The following CHCHD5 variants were observed in gnomAD, a reference collection of about 807,000 sequenced individuals.
The protein encoded by CHCHD5 is coiled-coil-helix-coiled-coil-helix domain-containing protein 5.
A neutral mutation model predicts 16.0 loss-of-function variants in CHCHD5; 10 were observed. The ratio of observed to expected loss-of-function variants is 0.63; its 90% CI spans 0.39 to 1.06. CHCHD5 has a LOEUF of 1.06. Among genes scored for constraint, CHCHD5 ranks in the 50% least tolerant of loss-of-function variants. The pLI is 0.01. For synonymous variants in CHCHD5, 55 were observed against 56.3 expected (o/e 0.98, Z 0.10); for missense variants, 163 against 153.4 (o/e 1.06, Z -0.33).
chr2:112,585,841 T>G (rs979417912), intron 1 of CHCHD5, 133 bp from the exon 2 acceptor site: 7 of 985,246 alleles, frequency 7.1e-6, no homozygotes, highest in Admixed American at 2.8e-5. Flanking sequence ...GTGGCTACAG[T>G]GAGCTATGAT....
At chr2:112,587,945 AC>A in intron 3 of CHCHD5, 1 of 152,288 alleles carries the variant, frequency 6.6e-6, no homozygotes, top group Non-Finnish European at 1.5e-5. Context: ...CCTTGTGGCC[AC>A]CCCTGCCCTG....
chr2:112,584,958 T>C lies in CHCHD5; in HGVS notation c.2+309T>C, dbSNP rs1685163429. Reference sequence around the variant, plus strand: ...CTGAAATCCTAAGACTACAGACTTATTTAGGGACCTCTATGACTCCTACAC... The same window carrying C: ...CTGAAATCCTAAGACTACAGACTTACTTAGGGACCTCTATGACTCCTACAC... On this transcript the variant is annotated intron_variant, in intron 1 of 3. Coordinates refer to ENST00000324913, the MANE Select transcript of CHCHD5 (RefSeq NM_032309.4). 4 of 500,944 alleles carry C rather than the reference T, an allele frequency of 8.0e-6. No individual in the cohort carries two copies. In the South Asian group the frequency reaches 8.2e-5, roughly 10 times the overall value. The allele number at this position is 500,944 out of a possible 1,614,324, so 31.0% of individuals were successfully genotyped here.
At chr2:112,588,581 G>C in intron 3 of CHCHD5, 1 of 445,182 alleles carries the variant, frequency 2.2e-6, no homozygotes, top group Non-Finnish European at 4.0e-6. Flanking sequence ...TTTCTTGGAT[G>C]TTGACATATT....
intron 3 of CHCHD5, 70 bp from the exon 4 acceptor site, chr2:112,588,796 G>C (rs1025931603): frequency 1.7e-6 from 2 of 1,210,046 alleles, no homozygotes; most frequent in Non-Finnish European, 2.5e-6. Flanking sequence ...TCCCTCTGTG[G>C]TGTCTACATA....
chr2:112,585,202 C>A (rs534221597), intron 1 of CHCHD5, among the ~76,000 whole-genome samples: 1 of 152,280 alleles, frequency 6.6e-6, no homozygotes, highest in African/African-American at 2.4e-5. Context: ...CCTTAGGTTT[C>A]ATCTTGAAGA....
chr2:112,588,862 A>T lies in CHCHD5; in HGVS notation c.310-4A>T, dbSNP rs369665974. 4.3e-6 allele frequency: 7 copies of T among 1,611,224 alleles called. No homozygotes were observed. The highest frequency in any genetic ancestry group is 5.9e-6 in the Non-Finnish European group (7 of 1,177,908). On this transcript the variant is annotated splice_region_variant and splice_polypyrimidine_tract_variant and intron_variant, in intron 3 of 3. Transcript: ENST00000324913. ...TACTAGATGTTGATGTACTTTCTCC[A>T]CAGGCACAGCCACTTCCTGCCTCCT...
chr2:112,586,454 C>T, intron 3 of CHCHD5, 89 bp downstream of exon 3: 1 of 1,586,308 alleles, frequency 6.3e-7, no homozygotes, highest in Non-Finnish European at 8.6e-7. Flanking sequence ...TTGGAGTCAT[C>T]CTCAGCCCCA....
chr2:112,588,766 A>C (rs1685297462), intron 3 of CHCHD5, 100 bp from the exon 4 acceptor site: 2 of 917,956 alleles, frequency 2.2e-6, no homozygotes, highest in Middle Eastern at 4.4e-4. Context: ...CTCCCTCCAG[A>C]CTGTGGGCTC....
At chr2:112,588,102 C>G (rs1012312149) in intron 3 of CHCHD5, 2 of 152,208 alleles carry the variant, frequency 1.3e-5, no homozygotes, top group Admixed American at 6.5e-5. Context: ...CCAGCCTGGC[C>G]AACATGGTGA....
rs79064914 is a variant in CHCHD5 at position 112,586,309 on chromosome 2, C to A, written c.253C>A (p.Arg85Ser). ...GGGCAACTGTGCAGAGCATATGCGC[C>A]GCTTCCTGCAGTGCGCTGAGCAGGT... ...AVGNCAEHMR[R>S]FLQCAEQVQP... The change falls in exon 3 of 4, where the codon CGC becomes AGC. Residue 85 changes from arginine to serine, a missense_variant. Coordinates refer to ENST00000324913, the MANE Select transcript of CHCHD5 (RefSeq NM_032309.4). 6.2e-7 allele frequency: 1 copy of A among 1,614,266 alleles called. No homozygotes were observed. Among genetic ancestry groups the A allele is most frequent in the African/African-American group, 1.3e-5 (1 of 75,064 alleles).
chr2:112,584,523 A>G (rs977742666), upstream of CHCHD5: 59 of 1,203,106 alleles, frequency 4.9e-5, no homozygotes, highest in Non-Finnish European at 7.0e-5. Flanking sequence ...CCTAAAGGGA[A>G]CGGGGTTGTT....
chr2:112,584,690 C>T, intron 1 of CHCHD5, 41 bp downstream of exon 1: 1 of 1,613,054 alleles, frequency 6.2e-7, no homozygotes, highest in South Asian at 1.1e-5. Flanking sequence ...GCTGCCGCTC[C>T]CCTTCTTTTA....
upstream of CHCHD5, chr2:112,584,475 C>T: frequency 1.4e-6 from 1 of 731,950 alleles, no homozygotes. Context: ...ACGAGCCGGG[C>T]CGGAAGAAGA....
intron 3 of CHCHD5, 116 bp downstream of exon 3, chr2:112,586,481 G>A (rs765854820): frequency 1.3e-6 from 2 of 1,561,688 alleles, no homozygotes; most frequent in South Asian, 2.3e-5. Context: ...CACCACACAG[G>A]CCTTTGCCAT....
Position 112,584,650 on chromosome 2 carries a change from G to A in CHCHD5, c.2+1G>A. ...CCTACGCCGGCAAAGGTCTCGAGAT[G>A]TGAGTAGTGAGAGCGCCTACCCCAT... On this transcript the variant is annotated splice_donor_variant, in intron 1 of 3. Transcript: ENST00000324913. LOFTEE classifies it high-confidence loss of function. The A allele has an allele frequency of 1.2e-6, 2 of 1,613,892 alleles. No individual in the cohort carries two copies. The highest frequency in any genetic ancestry group is 1.7e-6 in the Non-Finnish European group (2 of 1,179,946).
Position 112,588,921 on chromosome 2 carries a change from G to C in CHCHD5, c.*32G>C. 4 of 1,584,042 alleles carry C rather than the reference G, an allele frequency of 2.5e-6. No individual in the cohort carries two copies. Among genetic ancestry groups the C allele is most frequent in the Non-Finnish European group, 2.6e-6 (3 of 1,152,894 alleles). On this transcript the variant is annotated 3_prime_UTR_variant, in exon 4 of 4. Coordinates refer to ENST00000324913, the MANE Select transcript of CHCHD5 (RefSeq NM_032309.4). ...CTCTGACGGCAGGAAAACTGGACAT[G>C]AATGACTGCCCCCACGCCCCTCCCC...
chr2:112,586,973 G>A (rs1286629021), intron 3 of CHCHD5: 7 of 169,030 alleles, frequency 4.1e-5, no homozygotes, highest in Non-Finnish European at 3.8e-5. Flanking sequence ...ACTCCTTGAG[G>A]AGAGGCAGTA....
In CHCHD5 at chr2:112,584,756, T is replaced by G; in HGVS notation, c.2+107T>G. Reference sequence around the variant, plus strand: ...GGGAACTAGGACCAGCCTCCCTCCTTCTTGGAGATCTGACCCTCAGGATTC... The same window carrying G: ...GGGAACTAGGACCAGCCTCCCTCCTGCTTGGAGATCTGACCCTCAGGATTC... On this transcript the variant is annotated intron_variant, in intron 1 of 3. Coordinates refer to ENST00000324913, the MANE Select transcript of CHCHD5 (RefSeq NM_032309.4). 1.5e-5 allele frequency: 20 copies of G among 1,327,194 alleles called. 1 individual carries two copies. The South Asian group carries it at 2.2e-4, about 15-fold the overall frequency. 82.2% of individuals were successfully genotyped at this position (1,327,194 alleles called of 1,614,324 possible). A position where few individuals can be genotyped will look rare whatever the true frequency, so the allele number is the denominator to read the frequency against.
At position 112,586,033 on chromosome 2, in the gene CHCHD5, A is replaced by C. The variant is rs199612227; in HGVS notation, c.62A>C (p.Gln21Pro). The C allele has an allele frequency of 2.5e-6, 4 of 1,614,054 alleles. No individual in the cohort carries two copies. The highest frequency in any genetic ancestry group is 3.4e-6 in the Non-Finnish European group (4 of 1,180,026). The change falls in exon 2 of 4, where the codon CAG becomes CCG. Residue 21 changes from glutamine (Q) to proline (P), a missense_variant. By Grantham distance (76) the Gln-to-Pro change is moderately conservative (BLOSUM62 -1). Coordinates refer to ENST00000324913, the MANE Select transcript of CHCHD5 (RefSeq NM_032309.4). Reference protein sequence around the residue: ...YCGRELEQYGQCVAAKPESWQ... With the variant: ...YCGRELEQYGPCVAAKPESWQ... ...GGCCGGGAGCTGGAGCAGTATGGCC[A>C]GTGTGTGGCGGCCAAGCCGGAATCC...
Sources: gnomAD v4.1 joint callset for allele counts (sites outside exome capture counted in the v4.1 genomes callset) on GRCh38, gnomAD v4.1.1 for gene constraint, MANE v1.5 for transcripts, NCBI Gene and HGNC (gene_info 2026-07-23, HGNC 2026-07-21) for gene names.